HSPD1: variants seen among roughly 807,000 people sequenced by gnomAD.
The protein encoded by HSPD1 is heat shock protein family D (Hsp60) member 1, also known as 60 kDa heat shock protein, mitochondrial.
HSPD1 carries 3 observed loss-of-function variants against 53.0 expected under a neutral mutation model. That is an observed-to-expected ratio of 0.06 (90% confidence interval 0.03 to 0.15). The LOEUF is 0.15. Among genes scored for constraint, HSPD1 ranks in the 10% least tolerant of loss-of-function variants. HSPD1 has a pLI of 1.00. For missense variants in HSPD1, 431 were observed against 694.1 expected (o/e 0.62, Z 4.26); for synonymous variants, 200 against 228.0 (o/e 0.88, Z 1.10).
intron 2 of HSPD1, 143 bp from the exon 3 acceptor site, chr2:197,497,535 T>C: frequency 2.5e-6 from 2 of 785,972 alleles, no homozygotes; most frequent in Non-Finnish European, 4.3e-6. Flanking sequence ...AGCATGAACC[T>C]CAAGGGCAAG....
At chr2:197,499,865 A>T (rs916314956), upstream of HSPD1, 1 of 152,722 alleles carries the variant, frequency 6.5e-6, no homozygotes, top group Non-Finnish European at 1.5e-5. Context: ...GCACACCGCA[A>T]TGAGCCCGTG....
upstream of HSPD1, chr2:197,499,922 G>C (rs1419508755): frequency 6.5e-6 from 1 of 154,634 alleles, no homozygotes; most frequent in African/African-American, 2.4e-5. Flanking sequence ...CGCGTGTGCA[G>C]GCAGCTCCCA....
chr2:197,487,234 TA>T, intron 11 of HSPD1, 36 bp from the exon 12 acceptor site: 1 of 1,582,588 alleles, frequency 6.3e-7, no homozygotes, highest in Non-Finnish European at 8.7e-7. Context: ...TTTCCCTTAG[TA>T]AAATATGAGC....
At chr2:197,490,155 T>A in intron 8 of HSPD1, 42 bp downstream of exon 8, 3 of 1,294,518 alleles carry the variant, frequency 2.3e-6, no homozygotes, top group Non-Finnish European at 3.4e-6. Flanking sequence ...TCCAGACAAG[T>A]ATAAACATTC....
chr2:197,494,499 T>C lies in HSPD1; in HGVS notation c.606+158A>G, dbSNP rs535693222. ...CACATAAAACACAGTAAGTACTTTA[T>C]TCTATACATGTGCTGAGACTACATA... On this transcript the variant is annotated intron_variant, in intron 5 of 11. Coordinates refer to ENST00000388968, the MANE Select transcript of HSPD1 (RefSeq NM_002156.5). The C allele has an allele frequency of 2.2e-4, 140 of 647,556 alleles. 1 individual carries two copies. The African/African-American group carries it at 2.2e-3, about 10-fold the overall frequency. The allele number at this position is 647,556 out of a possible 1,614,324, so 40.1% of individuals were successfully genotyped here.
In HSPD1 at chr2:197,487,985, T is replaced by A; in HGVS notation, c.1442A>T (p.Lys481Met). ...TLKIPAMTIA[K>M]NAGVEGSLIV... Reference sequence around the variant, plus strand: ...CAAAGATCCTTCAACACCTGCATTCTTAGCAATGGTCATTGCTGGAATTTT... The same window carrying A: ...CAAAGATCCTTCAACACCTGCATTCATAGCAATGGTCATTGCTGGAATTTT... Residue 481 changes from lysine to methionine, a missense_variant, in exon 11 of 12, where the codon AAG becomes ATG. This residue lies in a region of HSPD1 where 386 missense variants were observed against 657.6 expected (regional missense o/e 0.59). Coordinates refer to ENST00000388968, the MANE Select transcript of HSPD1 (RefSeq NM_002156.5). 1 of 1,612,858 alleles carries A rather than the reference T, an allele frequency of 6.2e-7. No homozygotes were observed. The highest frequency in any genetic ancestry group is 8.5e-7 in the Non-Finnish European group (1 of 1,178,988).
At chr2:197,491,834 C>G (rs986978513) in intron 7 of HSPD1, among the ~76,000 whole-genome samples, 6 of 152,140 alleles carry the variant, frequency 3.9e-5, no homozygotes, top group Non-Finnish European at 8.8e-5. Context: ...AAACATTTAA[C>G]AACAGACTAA....
chr2:197,498,259 TTAC>T (rs1402484432), intron 2 of HSPD1, among the ~76,000 whole-genome samples: 3 of 152,188 alleles, frequency 2.0e-5, no homozygotes, highest in African/African-American at 4.8e-5. Context: ...TGTGTACATT[TTAC>T]TACAATAAAC....
At chr2:197,496,422 T>C (rs753834256) in intron 3 of HSPD1, among the ~76,000 whole-genome samples, 2 of 152,210 alleles carry the variant, frequency 1.3e-5, no homozygotes, top group Non-Finnish European at 2.9e-5. Context: ...TAAATTAGTA[T>C]GCCAATTCTG....
rs11551346 is a variant in HSPD1 at position 197,498,705 on chromosome 2, G to A, written c.144C>T (p.Ala48=). Residue 48 remains alanine (A), a synonymous_variant, in exon 2 of 12, where the codon GCC becomes GCT. Transcript: ENST00000388968. ...ALMLQGVDLL[A]DAVAVTMGPK... ...GCCCCATTGTAACGGCCACAGCATC[G>A]GCTAAAAGGTCTACACCTTGAAGCA... The A allele has an allele frequency of 4.3e-3, 6,871 of 1,613,872 alleles. 199 individuals are homozygous for A. In the African/African-American group the frequency reaches 0.081, roughly 19 times the overall value.
chr2:197,496,930 T>C (rs1296007969), intron 3 of HSPD1: 1 of 404,556 alleles, frequency 2.5e-6, no homozygotes, highest in East Asian at 4.9e-5. Flanking sequence ...AGAAACCAAC[T>C]AAGTAAAATA....
intron 7 of HSPD1, 179 bp from the exon 8 acceptor site, chr2:197,490,475 T>G (rs2086077810): frequency 1.6e-6 from 1 of 612,322 alleles, no homozygotes; most frequent in African/African-American, 1.9e-5. Context: ...AGGAAGTATC[T>G]GAGACAGTTT....
chr2:197,493,673 A>T (rs1311717763), intron 6 of HSPD1, among the ~76,000 whole-genome samples, 181 bp from the exon 7 acceptor site: 1 of 152,234 alleles, frequency 6.6e-6, no homozygotes, highest in Non-Finnish European at 1.5e-5. Flanking sequence ...GATGACACCA[A>T]CTAATACCTA....
upstream of HSPD1, chr2:197,500,269 C>T: frequency 1.2e-6 from 1 of 865,644 alleles, no homozygotes; most frequent in Non-Finnish European, 1.8e-6. Flanking sequence ...CGGTGCGCGT[C>T]GGGGCGACCG....
chr2:197,492,878 C>T (rs758367791), intron 7 of HSPD1, among the ~76,000 whole-genome samples: 4 of 151,408 alleles, frequency 2.6e-5, no homozygotes, highest in African/African-American at 4.9e-5. Flanking sequence ...GGTGTGGTGG[C>T]ACGCACCTGT....
chr2:197,489,360 G>A, intron 8 of HSPD1, 113 bp from the exon 9 acceptor site: 1 of 1,144,776 alleles, frequency 8.7e-7, no homozygotes, highest in South Asian at 1.3e-5. Flanking sequence ...TCTTTGAAAT[G>A]AGAGATTTTA....
intron 7 of HSPD1, among the ~76,000 whole-genome samples, chr2:197,490,921 A>G (rs1012975830): frequency 4.6e-5 from 7 of 152,224 alleles, no homozygotes; most frequent in African/African-American, 1.7e-4. Context: ...AAAAGCTGAC[A>G]GTATTGTTAA....
At chr2:197,491,190 GTT>G (rs1261711864) in intron 7 of HSPD1, among the ~76,000 whole-genome samples, 6 of 136,734 alleles carry the variant, frequency 4.4e-5, no homozygotes, top group Non-Finnish European at 3.2e-5. Context: ...TTTTTTGTGT[GTT>G]TTTTTTTTTT....
chr2:197,498,216 C>T (rs192349324), intron 2 of HSPD1, among the ~76,000 whole-genome samples: 41 of 152,222 alleles, frequency 2.7e-4, no homozygotes, highest in Non-Finnish European at 4.7e-4. Flanking sequence ...TAATTGATGT[C>T]CCCAAAGTGC....
Sources: gnomAD v4.1 joint callset for allele counts (sites outside exome capture counted in the v4.1 genomes callset) on GRCh38, gnomAD v4.1.1 for gene constraint, gnomAD v4.1.1 regional missense constraint, MANE v1.5 for transcripts, NCBI Gene and HGNC (gene_info 2026-07-23, HGNC 2026-07-21) for gene names.